TARBP1: variants seen among roughly 807,000 people sequenced by gnomAD.
TARBP1 encodes tRNA (guanosine(18)-2'-O)-methyltransferase TARBP1.
Under a neutral mutation model 178.6 loss-of-function variants are expected in TARBP1, and 144 were observed. The ratio of observed to expected loss-of-function variants is 0.81; its 90% CI spans 0.70 to 0.93. TARBP1 has a LOEUF of 0.93. TARBP1 is among the 40% of genes least tolerant of loss of function. TARBP1 has a pLI of 0.00. For missense variants in TARBP1, 2,067 were observed against 2,011.7 expected, an observed-to-expected ratio of 1.03 and a Z score of -0.53; for synonymous variants, 787 against 781.0, an observed-to-expected ratio of 1.01 and a Z score of -0.13.
At chr1:234,463,276 A>G (rs1668085927) in intron 6 of TARBP1, among the ~76,000 whole-genome samples, 1 of 152,116 alleles carries the variant, frequency 6.6e-6, no homozygotes, top group African/African-American at 2.4e-5. Context: ...GGTACACACC[A>G]TCATGCCCGG....
chr1:234,446,722 A>G, intron 12 of TARBP1, 81 bp downstream of exon 12: 1 of 1,159,106 alleles, frequency 8.6e-7, no homozygotes, highest in Non-Finnish European at 1.1e-6. Flanking sequence ...TTTGTTTTAA[A>G]AAGACGGAAG....
In TARBP1 at chr1:234,448,462, A is replaced by G. The variant is rs759844690; in HGVS notation, c.1961+18T>C. ...GATTTTTCAAATAGGCTTTCTTTTC[A>G]ATTACAGAAACAATTACCTATACTG... On this transcript the variant is annotated intron_variant, in intron 11 of 29. Transcript: ENST00000040877. 34 of 1,601,048 alleles carry G rather than the reference A, an allele frequency of 2.1e-5. No homozygotes were observed. The South Asian group carries it at 3.6e-4, about 17-fold the overall frequency.
rs531256921 is a variant in TARBP1 at position 234,465,710 on chromosome 1, TAAA to T, written c.1249-5_1249-3del. The stretch of plus-strand genomic sequence containing the variant: ...ATCCATTAATGGTCCAATAATAAAC[TAAA>T]AAAAAAAAAAAAAAAAGACACGTAA... On this transcript the variant is annotated splice_polypyrimidine_tract_variant and splice_region_variant and intron_variant, in intron 4 of 29. Transcript: ENST00000040877. 1.7e-3 allele frequency: 2,118 copies of T among 1,259,160 alleles called. No homozygotes were observed. Among genetic ancestry groups the T allele is most frequent in the Admixed American group, 4.1e-3 (109 of 26,548 alleles). 78.0% of individuals were successfully genotyped at this position (1,259,160 alleles called of 1,614,324 possible).
chr1:234,471,069 T>C (rs985055079), intron 3 of TARBP1, 119 bp downstream of exon 3: 17 of 732,540 alleles, frequency 2.3e-5, no homozygotes, highest in African/African-American at 2.0e-4. Context: ...AAGATGATTA[T>C]ATTTTCTTCT....
At chr1:234,451,465 G>GACTGGATCAACGAAGT (rs373777443) in intron 9 of TARBP1, among the ~76,000 whole-genome samples, 4 of 112,354 alleles carry the variant, frequency 3.6e-5, no homozygotes, top group East Asian at 2.6e-4. Context: ...ACTGATGAAT[G>GACTGGATCAACGAAGT]GGCCGGGCGC....
rs114859216 is a variant in TARBP1, at chr1:234,402,409, A to G, written c.3990-1147T>C. ...ACTATTTTTTGAGAGAATTTTCTAA[A>G]TAAGTTGACTCTGTCTCACCTTCAT... On this transcript the variant is annotated intron_variant, in intron 24 of 29. Coordinates refer to ENST00000040877, the MANE Select transcript of TARBP1 (RefSeq NM_005646.4). Among the ~76,000 whole-genome samples the G allele has an allele frequency of 3.5e-3, 537 of 152,352 alleles. 9 individuals are homozygous for G. Among genetic ancestry groups the G allele is most frequent in the African/African-American group, 0.012 (504 of 41,580 alleles).
At chr1:234,476,392 A>C (rs1439628451) in intron 1 of TARBP1, among the ~76,000 whole-genome samples, 1 of 152,154 alleles carries the variant, frequency 6.6e-6, no homozygotes, top group Non-Finnish European at 1.5e-5. Context: ...TCAACAGAAC[A>C]CCCAGGTGAA....
At chr1:234,459,350 C>T (rs752464951) in intron 7 of TARBP1, 24 bp from the exon 8 acceptor site, 10 of 1,549,414 alleles carry the variant, frequency 6.5e-6, no homozygotes, top group Middle Eastern at 3.4e-4. Flanking sequence ...ACAAAAAATG[C>T]AGTTCCGTAT....
At position 234,472,776 on chromosome 1, in the gene TARBP1, C is replaced by CT; in HGVS notation, c.966dup (p.Asp323ArgfsTer2). On this transcript the variant is annotated frameshift_variant, in exon 2 of 30. Coordinates refer to ENST00000040877, the MANE Select transcript of TARBP1 (RefSeq NM_005646.4). LOFTEE classifies it high-confidence loss of function. ...TTTTCCCAAAACTTTAGAAGCTCATCTTTTTTCCTCTCAGACCACCAAAAC... is the reference window on the plus strand; with the variant it reads ...TTTTCCCAAAACTTTAGAAGCTCATCTTTTTTTCCTCTCAGACCACCAAAAC... 6.2e-7 allele frequency: 1 copy of CT among 1,603,924 alleles called. No homozygotes were observed. The highest frequency in any genetic ancestry group is 8.5e-7 in the Non-Finnish European group (1 of 1,177,546).
rs1014064395 is a variant in TARBP1 at position 234,410,382 on chromosome 1, T to C, written c.3792+63A>G. On this transcript the variant is annotated intron_variant, in intron 23 of 29. Coordinates refer to ENST00000040877, the MANE Select transcript of TARBP1 (RefSeq NM_005646.4). The stretch of plus-strand genomic sequence containing the variant: ...ACAGGAATGCTCTACATATAAAAAA[T>C]TGGTACAAATACATACAATTCTTTT... The C allele has an allele frequency of 1.6e-5, 16 of 1,020,868 alleles. No individual in the cohort carries two copies. In the East Asian group the frequency reaches 3.0e-4, roughly 19 times the overall value. 63.2% of individuals were successfully genotyped at this position (1,020,868 alleles called of 1,614,324 possible).
Position 234,478,047 on chromosome 1 carries a change from C to T in TARBP1, c.931+126G>A, listed in dbSNP as rs571937787. 12 of 944,288 alleles carry T rather than the reference C, an allele frequency of 1.3e-5. No homozygotes were observed. In the East Asian group the frequency reaches 3.3e-4, roughly 26 times the overall value. The allele number at this position is 944,288 out of a possible 1,614,324, so 58.5% of individuals were successfully genotyped here. A position where few individuals can be genotyped will look rare whatever the true frequency, so the allele number is the denominator to read the frequency against. On this transcript the variant is annotated intron_variant, in intron 1 of 29. Coordinates refer to ENST00000040877, the MANE Select transcript of TARBP1 (RefSeq NM_005646.4). ...GTTTTCAGGCTTTAGGGGAGCAACG[C>T]GGAATAACCAAATTCTGCATGGATC...
At chr1:234,432,201 G>A (rs1664508202) in intron 14 of TARBP1, among the ~76,000 whole-genome samples, 2 of 151,106 alleles carry the variant, frequency 1.3e-5, no homozygotes, top group East Asian at 1.9e-4. Context: ...CAGAACTTCA[G>A]GAGGCTGAGG....
intron 22 of TARBP1, among the ~76,000 whole-genome samples, chr1:234,414,216 G>T (rs1016375809): frequency 6.6e-6 from 1 of 152,200 alleles, no homozygotes; most frequent in Non-Finnish European, 1.5e-5. Flanking sequence ...ATATGAAAAT[G>T]CATGGACATG....
Position 234,460,477 on chromosome 1 carries a change from T to C in TARBP1, c.1400-81A>G, listed in dbSNP as rs1667740198. Reference sequence around the variant, plus strand: ...TCAATACCATTAGGTATTAGGGAAATACAAGTCAAAACCATAGTAAGGCTC... The same window carrying C: ...TCAATACCATTAGGTATTAGGGAAACACAAGTCAAAACCATAGTAAGGCTC... On this transcript the variant is annotated intron_variant, in intron 6 of 29. Transcript: ENST00000040877. 6.1e-6 allele frequency: 9 copies of C among 1,469,340 alleles called. No individual in the cohort carries two copies. In the South Asian group the frequency reaches 6.2e-5, roughly 10 times the overall value. The allele number at this position is 1,469,340 out of a possible 1,614,324, so 91.0% of individuals were successfully genotyped here.
Position 234,478,356 on chromosome 1 carries a change from G to C in TARBP1, c.748C>G (p.Arg250Gly), listed in dbSNP as rs1369768206. The C allele has an allele frequency of 1.3e-5, 16 of 1,267,988 alleles. No homozygotes were observed. The highest frequency in any genetic ancestry group is 1.6e-5 in the Non-Finnish European group (16 of 1,011,780). 78.5% of individuals were successfully genotyped at this position (1,267,988 alleles called of 1,614,324 possible). The change falls in exon 1 of 30, where the codon CGC (arginine) becomes GGC (glycine). Residue 250 changes from arginine to glycine, a missense_variant. Arg to Gly is a moderately radical substitution (Grantham distance 125). Transcript: ENST00000040877. ...TCCGGGCCCGCCTCGCGCGCGCCGC[G>C]GGCGCGGTCGCCGCCGGGCTCGGGC... ...LLPEPGGDRA[R>G]GAREAGPDAR... is the part of the protein sequence containing the mutation.
chr1:234,392,431 G>C lies in TARBP1; in HGVS notation c.4682C>G (p.Ser1561Cys). 1 of 1,614,114 alleles carries C rather than the reference G, an allele frequency of 6.2e-7. No individual in the cohort carries two copies. The highest frequency in any genetic ancestry group is 8.5e-7 in the Non-Finnish European group (1 of 1,179,986). Residue 1561 changes from serine to cysteine, a missense_variant, in exon 29 of 30, where the codon TCT becomes TGT. By Grantham distance (112) the Ser-to-Cys change is moderately radical (BLOSUM62 -1). Transcript: ENST00000040877. ...AGCTTCTTACCCCAACAAGAGCAGA[G>C]ATTTCTCAGGAAAGCAATATTGGGT... ...DLTQYCFPEKSLLLLGNEREG... is the reference protein window; with the variant it reads ...DLTQYCFPEKCLLLLGNEREG...
intron 24 of TARBP1, 59 bp downstream of exon 24, chr1:234,405,844 C>A: frequency 6.6e-7 from 1 of 1,514,588 alleles, no homozygotes; most frequent in South Asian, 1.2e-5. Flanking sequence ...GCACTGCCCC[C>A]TCCCTGTGGG....
intron 27 of TARBP1, 69 bp downstream of exon 27, chr1:234,393,577 G>A (rs1659621546): frequency 1.3e-6 from 2 of 1,578,802 alleles, no homozygotes; most frequent in African/African-American, 1.4e-5. Context: ...TCCCGTGGCA[G>A]TGGATTAATT....
At chr1:234,476,136 G>C (rs1669549334) in intron 1 of TARBP1, among the ~76,000 whole-genome samples, 1 of 152,204 alleles carries the variant, frequency 6.6e-6, no homozygotes, top group Non-Finnish European at 1.5e-5. Flanking sequence ...AAAGGATCTT[G>C]TGGAAAAGGT....
Sources: allele counts gnomAD v4.1 joint callset (sites outside exome capture counted in the v4.1 genomes callset), GRCh38; gene constraint gnomAD v4.1.1; transcripts MANE v1.5; gene names NCBI Gene and HGNC (gene_info 2026-07-23, HGNC 2026-07-21).